THSD7A: variants seen among roughly 807,000 people sequenced by gnomAD.
The protein encoded by THSD7A is thrombospondin type-1 domain-containing protein 7A.
Under a neutral mutation model 231.3 loss-of-function variants are expected in THSD7A, and 96 were observed. The ratio of observed to expected loss-of-function variants is 0.41; its 90% confidence interval spans 0.35 to 0.49. THSD7A has a LOEUF of 0.49. Among genes scored for constraint, THSD7A ranks in the 20% least tolerant of loss-of-function variants. The pLI is 0.05. For synonymous variants in THSD7A, 940 were observed against 743.3 expected, an observed-to-expected ratio of 1.26 and a Z score of -4.30; for missense variants, 2,290 against 2,070.2, an observed-to-expected ratio of 1.11 and a Z score of -2.06.
chr7:11,820,367 C>T lies in THSD7A; in HGVS notation c.190+11390G>A, dbSNP rs1005084112. 5.0e-6 allele frequency: 6 copies of T among 1,209,296 alleles called. No homozygotes were observed. In the African/African-American group the frequency reaches 9.3e-5, roughly 19 times the overall value. The allele number at this position is 1,209,296 out of a possible 1,614,324, so 74.9% of individuals were successfully genotyped here. On this transcript the variant is annotated intron_variant, in intron 1 of 27. Transcript: ENST00000423059. ...TCCTTCTCTTCTCTGTTCTCTGTCC[C>T]ACTCTTGTCGTCTTCAATCTCCCAT...
At chr7:11,533,120 T>C (rs1788771914) in intron 6 of THSD7A, among the ~76,000 whole-genome samples, 1 of 152,108 alleles carries the variant, frequency 6.6e-6, no homozygotes, top group South Asian at 2.1e-4. Flanking sequence ...TCCAATGAGA[T>C]ATATAGAAAA....
chr7:11,411,199 C>T lies in THSD7A; in HGVS notation c.3798+8G>A. ...TACTCGCGAAGATATAACACAGCAT[C>T]CACCTACCGCTTCACAATATTTCAG... On this transcript the variant is annotated splice_region_variant and intron_variant, in intron 19 of 27. Coordinates refer to ENST00000423059, the MANE Select transcript of THSD7A (RefSeq NM_015204.3). The surrounding 1 kb of genome is among the most constrained non-coding windows in gnomAD (Gnocchi z 4.1). 2.5e-6 allele frequency: 4 copies of T among 1,601,060 alleles called. No individual in the cohort carries two copies. The highest frequency in any genetic ancestry group is 3.4e-6 in the Non-Finnish European group (4 of 1,168,896).
chr7:11,738,309 C>A (rs1285190991), intron 1 of THSD7A, among the ~76,000 whole-genome samples: 2 of 152,054 alleles, frequency 1.3e-5, no homozygotes, highest in Middle Eastern at 3.4e-3. Context: ...TTTGTTTCTT[C>A]AAGCGTTTCA....
At chr7:11,539,633 G>T (rs1192473056) in intron 6 of THSD7A, among the ~76,000 whole-genome samples, 5 of 152,056 alleles carry the variant, frequency 3.3e-5, no homozygotes, top group Non-Finnish European at 7.4e-5. Flanking sequence ...AATTACTTGT[G>T]TTGCAAAATA....
chr7:11,798,315 CA>C (rs1784184203), intron 1 of THSD7A, among the ~76,000 whole-genome samples: 2 of 151,714 alleles, frequency 1.3e-5, no homozygotes, highest in South Asian at 4.2e-4. Context: ...ACTAAAAATA[CA>C]AAAAAATACC....
At chr7:11,396,911 C>G (rs531954380) in intron 23 of THSD7A, among the ~76,000 whole-genome samples, 1 of 152,284 alleles carries the variant, frequency 6.6e-6, no homozygotes, top group African/African-American at 2.4e-5. Flanking sequence ...AATCCAGCAG[C>G]ACATCAAAAA....
rs574765931 is a variant in THSD7A, at chr7:11,804,355, T to C, written c.190+27402A>G. ...AAGTATTAAGAGAAAGATAGTGAAT[T>C]TATTTCCTATTTTCCAGAAAACACA... On this transcript the variant is annotated intron_variant, in intron 1 of 27. Transcript: ENST00000423059. 2.0e-5 allele frequency among the ~76,000 whole-genome samples: 3 copies of C among 152,310 alleles called. No individual in the cohort carries two copies. The East Asian group carries it at 5.8e-4, about 29-fold the overall frequency.
At chr7:11,471,676 T>C (rs993523100) in intron 8 of THSD7A, among the ~76,000 whole-genome samples, 4 of 152,060 alleles carry the variant, frequency 2.6e-5, no homozygotes, top group African/African-American at 9.7e-5. Context: ...TTCCCTAATT[T>C]CTATGACTAT....
intron 9 of THSD7A, among the ~76,000 whole-genome samples, chr7:11,462,930 C>A (rs1226755311): frequency 6.6e-6 from 1 of 152,030 alleles, no homozygotes; most frequent in Admixed American, 6.6e-5. Flanking sequence ...TAAAACTTGC[C>A]AACTTTAATA....
chr7:11,498,698 C>G (rs1266862546), intron 6 of THSD7A, among the ~76,000 whole-genome samples: 1 of 152,186 alleles, frequency 6.6e-6, no homozygotes, highest in African/African-American at 2.4e-5. Context: ...CAACTAGGGT[C>G]TCCAGCCACT....
At chr7:11,554,876 C>G (rs1789781212) in intron 4 of THSD7A, among the ~76,000 whole-genome samples, 1 of 151,720 alleles carries the variant, frequency 6.6e-6, no homozygotes, top group Admixed American at 6.6e-5. Context: ...TCTAAGTTGT[C>G]AAATTTATGT....
intron 1 of THSD7A, among the ~76,000 whole-genome samples, chr7:11,671,399 T>A (rs1226930955): frequency 1.3e-5 from 2 of 152,196 alleles, no homozygotes; most frequent in Non-Finnish European, 2.9e-5. Flanking sequence ...ATTATTTAAA[T>A]GGTAGGCATA....
At chr7:11,397,575 G>C (rs1393694494) in intron 23 of THSD7A, among the ~76,000 whole-genome samples, 1 of 151,106 alleles carries the variant, frequency 6.6e-6, no homozygotes, top group African/African-American at 2.4e-5. Flanking sequence ...TCTAATTAAA[G>C]AGCTTCTGCA....
intron 23 of THSD7A, among the ~76,000 whole-genome samples, chr7:11,390,261 TTTC>T (rs1782928717): frequency 6.6e-6 from 1 of 152,160 alleles, no homozygotes; most frequent in Non-Finnish European, 1.5e-5. Flanking sequence ...GATTTAGTCT[TTTC>T]ACATAGTCCC....
chr7:11,698,539 G>T (rs1272170218), intron 1 of THSD7A, among the ~76,000 whole-genome samples: 1 of 151,216 alleles, frequency 6.6e-6, no homozygotes, highest in African/African-American at 2.4e-5. Context: ...TCCCCAACTG[G>T]GCCTACAGAA....
chr7:11,497,698 G>C (rs1309217843), intron 6 of THSD7A, among the ~76,000 whole-genome samples: 1 of 152,186 alleles, frequency 6.6e-6, no homozygotes, highest in Non-Finnish European at 1.5e-5. Flanking sequence ...AGTATGCTAA[G>C]AGCTGTGGCT....
chr7:11,505,813 T>C (rs111412721), intron 6 of THSD7A, among the ~76,000 whole-genome samples: 2 of 152,098 alleles, frequency 1.3e-5, no homozygotes, highest in South Asian at 4.1e-4. Flanking sequence ...AGTTACCATA[T>C]TACTAGGACA....
At chr7:11,725,148 G>A (rs1781505626) in intron 1 of THSD7A, among the ~76,000 whole-genome samples, 1 of 151,842 alleles carries the variant, frequency 6.6e-6, no homozygotes, top group Admixed American at 6.6e-5. Context: ...GCATTTCTCT[G>A]CTCTTTTATA....
At chr7:11,462,211 T>C (rs1466094994) in intron 9 of THSD7A, 68 bp from the exon 10 acceptor site, 8 of 1,531,004 alleles carry the variant, frequency 5.2e-6, no homozygotes, top group Non-Finnish European at 7.1e-6. Context: ...TACCAGTCTG[T>C]GTGAAGAAAT....
Sources: gnomAD v4.1 joint callset for allele counts (sites outside exome capture counted in the v4.1 genomes callset) on GRCh38, gnomAD v4.1.1 for gene constraint, Gnocchi (gnomAD v3.1) non-coding constraint, MANE v1.5 for transcripts, NCBI Gene and HGNC (gene_info 2026-07-23, HGNC 2026-07-21) for gene names.